The following ENDOD1 variants were observed in gnomAD, a reference collection of about 807,000 sequenced individuals.
ENDOD1 encodes endonuclease domain containing 1.
ENDOD1 carries 9 observed loss-of-function variants against 6.5 expected under a neutral mutation model. The observed-to-expected ratio is 1.39, with a 90% CI of 0.84 to 2.43. The LOEUF (loss-of-function observed/expected upper bound fraction) is 2.43, where lower values mean the gene tolerates loss of function less well. Ranked by LOEUF, ENDOD1 falls within the 30% of genes most tolerant of loss-of-function variation. The pLI is 0.00. For synonymous variants in ENDOD1, 255 were observed against 255.2 expected, an observed-to-expected ratio of 1.00 and a Z score of 0.01; for missense variants, 648 against 635.5, an observed-to-expected ratio of 1.02 and a Z score of -0.21.
chr11:95,090,957 C>T (rs1858925123), intron 1 of ENDOD1, among the ~76,000 whole-genome samples: 1 of 139,674 alleles, frequency 7.2e-6, no homozygotes, highest in Non-Finnish European at 1.6e-5. Flanking sequence ...CATTGACTAC[C>T]TCCAACTGAT....
chr11:95,092,103 C>T (rs1228157737), intron 1 of ENDOD1, among the ~76,000 whole-genome samples: 5 of 152,026 alleles, frequency 3.3e-5, no homozygotes, highest in Non-Finnish European at 7.3e-5. Flanking sequence ...GATGACATTT[C>T]TGCTGTGTGT....
chr11:95,113,171 A>G (rs555506650), intron 1 of ENDOD1, among the ~76,000 whole-genome samples: 1 of 152,234 alleles, frequency 6.6e-6, no homozygotes, highest in South Asian at 2.1e-4. Context: ...CAGGCATGCA[A>G]TGTCTAATAA....
intron 1 of ENDOD1, among the ~76,000 whole-genome samples, chr11:95,098,352 C>A (rs1173888975): frequency 6.6e-6 from 1 of 152,088 alleles, no homozygotes; most frequent in African/African-American, 2.4e-5. Flanking sequence ...TTTCTTAATA[C>A]GCACACAAAA....
intron 1 of ENDOD1, among the ~76,000 whole-genome samples, chr11:95,092,184 G>C (rs1178513598): frequency 6.6e-6 from 1 of 152,202 alleles, no homozygotes; most frequent in South Asian, 2.1e-4. Flanking sequence ...CAAACATCAT[G>C]AGTGAGAAAG....
chr11:95,103,915 C>T lies in ENDOD1; in HGVS notation c.300+13688C>T, dbSNP rs541643273. ...CAGACCGTGTCTGCCTTGTGGACAG[C>T]TAGGATGAGTGTAATGCTCCTGTGT... On this transcript the variant is annotated intron_variant, in intron 1 of 1. Transcript: ENST00000278505. 5.9e-5 allele frequency among the ~76,000 whole-genome samples: 9 copies of T among 152,326 alleles called. 1 individual carries two copies. The South Asian group carries it at 8.3e-4, about 14-fold the overall frequency.
At chr11:95,090,590 A>G (rs1158334412) in intron 1 of ENDOD1, among the ~76,000 whole-genome samples, 1 of 152,234 alleles carries the variant, frequency 6.6e-6, no homozygotes. Flanking sequence ...TCAGATCCGC[A>G]GAAAGCCTAG....
intron 1 of ENDOD1, among the ~76,000 whole-genome samples, chr11:95,117,514 A>G (rs1859222703): frequency 1.3e-5 from 2 of 152,326 alleles, no homozygotes; most frequent in African/African-American, 4.8e-5. Context: ...ATCATTATAT[A>G]ATAACCTTCT....
intron 1 of ENDOD1, among the ~76,000 whole-genome samples, chr11:95,101,205 A>G (rs1176998318): frequency 2.0e-5 from 3 of 152,224 alleles, no homozygotes; most frequent in African/African-American, 4.8e-5. Context: ...GCCACAGACA[A>G]TACATAAATG....
At chr11:95,120,274 C>T (rs1305650034) in intron 1 of ENDOD1, among the ~76,000 whole-genome samples, 2 of 152,142 alleles carry the variant, frequency 1.3e-5, no homozygotes, top group Admixed American at 1.3e-4. Context: ...TGTGCTGAAT[C>T]TCACCTGAAG....
chr11:95,111,764 C>T (rs931131925), intron 1 of ENDOD1, among the ~76,000 whole-genome samples: 12 of 152,258 alleles, frequency 7.9e-5, no homozygotes, highest in African/African-American at 2.6e-4. Context: ...GCTGTGTGGA[C>T]CAGTACTGGT....
intron 1 of ENDOD1, among the ~76,000 whole-genome samples, chr11:95,111,561 G>A (rs1555111938): frequency 1.3e-5 from 2 of 151,350 alleles, no homozygotes; most frequent in African/African-American, 4.9e-5. Context: ...AGATCATCAG[G>A]CATTAGATTC....
intron 1 of ENDOD1, among the ~76,000 whole-genome samples, chr11:95,094,204 A>C (rs1442436366): frequency 6.6e-6 from 1 of 150,876 alleles, no homozygotes; most frequent in African/African-American, 2.4e-5. Flanking sequence ...ATATTTGTTC[A>C]ATCTTAAAAA....
chr11:95,094,067 GA>G (rs1555110085), intron 1 of ENDOD1, among the ~76,000 whole-genome samples: 1 of 151,280 alleles, frequency 6.6e-6, no homozygotes, highest in African/African-American at 2.4e-5. Context: ...ATTTATGCCA[GA>G]AGCCAACATA....
At position 95,128,568 on chromosome 11, in the gene ENDOD1, C is replaced by A. The variant is rs368579258; in HGVS notation, c.492C>A (p.Ala164=). The A allele has an allele frequency of 6.2e-6, 10 of 1,614,100 alleles. 1 individual carries two copies. In the East Asian group the frequency reaches 6.7e-5, roughly 11 times the overall value. ...CCACATTTACTCTCACAAATTCAGCCCCAATGACTCAGTCCTTCCAGGAAC... is the reference window on the plus strand; with the variant it reads ...CCACATTTACTCTCACAAATTCAGCACCAATGACTCAGTCCTTCCAGGAAC... The part of the protein sequence containing the change: ...QVATFTLTNS[A]PMTQSFQERW... Residue 164 remains alanine (A), a synonymous_variant, in exon 2 of 2, where the codon GCC becomes GCA. Coordinates refer to ENST00000278505, the MANE Select transcript of ENDOD1 (RefSeq NM_015036.3).
At chr11:95,104,732 C>G (rs998562561) in intron 1 of ENDOD1, among the ~76,000 whole-genome samples, 1 of 152,190 alleles carries the variant, frequency 6.6e-6, no homozygotes, top group Non-Finnish European at 1.5e-5. Context: ...ACACTGAGCT[C>G]AAAGGAACCA....
In ENDOD1 at chr11:95,130,711, T is replaced by G. The variant is rs1157136101; in HGVS notation, c.*1132T>G. The stretch of plus-strand genomic sequence containing the variant: ...TAAAATATTTAAGAATAATTATATC[T>G]TAGGAAATTATTTTTACAGTGTGTT... On this transcript the variant is annotated 3_prime_UTR_variant, in exon 2 of 2. Transcript: ENST00000278505. The G allele has an allele frequency of 6.6e-6, 1 of 152,284 alleles. No homozygotes were observed. Among genetic ancestry groups the G allele is most frequent in the Non-Finnish European group, 1.5e-5 (1 of 68,018 alleles). 9.4% of individuals were successfully genotyped at this position (152,284 alleles called of 1,614,324 possible).
At chr11:95,125,785 G>A (rs1162112342) in intron 1 of ENDOD1, among the ~76,000 whole-genome samples, 4 of 151,954 alleles carry the variant, frequency 2.6e-5, no homozygotes, top group Admixed American at 1.3e-4. Flanking sequence ...ATCATTTTTT[G>A]TGGCTGCATA....
chr11:95,127,018 G>C (rs1859318437), intron 1 of ENDOD1, among the ~76,000 whole-genome samples: 1 of 152,118 alleles, frequency 6.6e-6, no homozygotes, highest in Non-Finnish European at 1.5e-5. Flanking sequence ...TTCTTTGATA[G>C]ATATAACATA....
At chr11:95,121,540 A>G (rs1007304284) in intron 1 of ENDOD1, among the ~76,000 whole-genome samples, 2 of 152,180 alleles carry the variant, frequency 1.3e-5, no homozygotes, top group African/African-American at 4.8e-5. Context: ...GAATGGGTGA[A>G]TGTTTCCCCT....
Sources: allele counts gnomAD v4.1 joint callset (sites outside exome capture counted in the v4.1 genomes callset), GRCh38; gene constraint gnomAD v4.1.1; transcripts MANE v1.5; gene names NCBI Gene and HGNC (gene_info 2026-07-23, HGNC 2026-07-21).